ZC3H12C: variants seen among roughly 807,000 people sequenced by gnomAD.
ZC3H12C encodes the protein probable ribonuclease ZC3H12C.
A neutral mutation model predicts 76.3 loss-of-function variants in ZC3H12C; 20 were observed. The ratio of observed to expected loss-of-function variants is 0.26; its 90% CI spans 0.18 to 0.38. The LOEUF (loss-of-function observed/expected upper bound fraction) is 0.38, where lower values mean the gene tolerates loss of function less well. Ranked by LOEUF, ZC3H12C falls within the 10% of genes least tolerant of loss-of-function variation. The probability of loss-of-function intolerance (pLI) is 1.00; values close to 1 mark genes in which losing one functional copy is unlikely to be tolerated. For synonymous variants in ZC3H12C, 352 were observed against 399.6 expected (o/e 0.88, Z 1.42); for missense variants, 874 against 1,086.5 (o/e 0.80, Z 2.75).
chr11:110,164,434 T>C lies in ZC3H12C; in HGVS notation c.1349T>C (p.Met450Thr), dbSNP rs780657600. The change falls in exon 6 of 6, where the codon ATG becomes ACG. Residue 450 changes from methionine to threonine, a missense_variant. By Grantham distance (81) the Met-to-Thr change is moderately conservative (BLOSUM62 -1). Around this residue, in one of 3 missense-constraint regions of ZC3H12C, gnomAD observed 269 missense variants for 424.9 expected, o/e 0.63. Coordinates refer to ENST00000278590, the MANE Select transcript of ZC3H12C (RefSeq NM_033390.2). This position sits in a 1 kb window ranked among gnomAD's most constrained non-coding sequence, Gnocchi z 5.7. ...TCAGTGGCTGATGAACTCCGTGCCA[T>C]GTCTAGAAATACGGCAGCCAAAACT... is the stretch of plus-strand genomic sequence containing the variant. ...QRSVADELRA[M>T]SRNTAAKTAN... 10 of 1,613,974 alleles carry C rather than the reference T, an allele frequency of 6.2e-6. No individual in the cohort carries two copies. The South Asian group carries it at 8.8e-5, about 14-fold the overall frequency.
intron 1 of ZC3H12C, among the ~76,000 whole-genome samples, chr11:110,110,804 A>C (rs144417376): frequency 2.6e-5 from 4 of 152,330 alleles, no homozygotes; most frequent in African/African-American, 9.6e-5. Context: ...AGAAGCAGCT[A>C]ATCTTTGAAG....
At chr11:110,126,256 C>T (rs1861745729) in intron 1 of ZC3H12C, among the ~76,000 whole-genome samples, 1 of 70,792 alleles carries the variant, frequency 1.4e-5, no homozygotes, top group South Asian at 4.5e-4. Context: ...TGAGGTCTCA[C>T]TCTGTTGCCC....
chr11:110,164,455 A>G lies in ZC3H12C; in HGVS notation c.1370A>G (p.Lys457Arg). The G allele has an allele frequency of 6.2e-7, 1 of 1,614,040 alleles. No homozygotes were observed. The highest frequency in any genetic ancestry group is 8.5e-7 in the Non-Finnish European group (1 of 1,179,910). ...GCCATGTCTAGAAATACGGCAGCCA[A>G]AACTGCAAACGAAGGAGGACTGGTG... The part of the protein sequence containing the change: ...LRAMSRNTAA[K>R]TANEGGLVKS... Residue 457 changes from lysine to arginine, a missense_variant, in exon 6 of 6, where the codon AAA (lysine) becomes AGA (arginine). Lys to Arg is a conservative substitution (Grantham distance 26, BLOSUM62 2). Coordinates refer to ENST00000278590, the MANE Select transcript of ZC3H12C (RefSeq NM_033390.2). The surrounding 1 kb of genome is among the most constrained non-coding windows in gnomAD (Gnocchi z 5.7).
At position 110,131,290 on chromosome 11, in the gene ZC3H12C, TTCTAG is replaced by T. The variant is rs140209432; in HGVS notation, c.22-5367_22-5363del. 1,026 of 602,670 alleles carry T rather than the reference TTCTAG, an allele frequency of 1.7e-3. 12 individuals are homozygous for T. In the African/African-American group the frequency reaches 0.018, roughly 10 times the overall value. 37.3% of individuals were successfully genotyped at this position (602,670 alleles called of 1,614,324 possible). A position where few individuals can be genotyped will look rare whatever the true frequency, so the allele number is the denominator to read the frequency against. ...GTCTGCGAAGCAGATTTTTACACTT[TTCTAG>T]TCTAGAGTTATATAAATAATTACTT... On this transcript the variant is annotated intron_variant, in intron 1 of 5. Coordinates refer to ENST00000278590, the MANE Select transcript of ZC3H12C (RefSeq NM_033390.2).
chr11:110,133,716 A>AT (rs1861906013), intron 1 of ZC3H12C, among the ~76,000 whole-genome samples: 1 of 152,060 alleles, frequency 6.6e-6, no homozygotes, highest in Non-Finnish European at 1.5e-5. Context: ...TGAAAATCCT[A>AT]TTTTCCGCCT....
intron 1 of ZC3H12C, 132 bp downstream of exon 1, chr11:110,093,564 C>A: frequency 3.4e-6 from 2 of 593,544 alleles, no homozygotes; most frequent in South Asian, 7.7e-5. Flanking sequence ...GCGACCTCGC[C>A]GTGTGATCTC....
At chr11:110,143,692 T>C (rs1422918757) in intron 2 of ZC3H12C, among the ~76,000 whole-genome samples, 1 of 152,192 alleles carries the variant, frequency 6.6e-6, no homozygotes, top group African/African-American at 2.4e-5. Context: ...TATATGTGTA[T>C]GTGTATATAT....
intron 3 of ZC3H12C, 136 bp from the exon 4 acceptor site, chr11:110,159,120 C>G: frequency 3.0e-6 from 2 of 662,850 alleles, no homozygotes; most frequent in Non-Finnish European, 5.1e-6. Context: ...GCTGTATCTA[C>G]AAATTAAATC....
At chr11:110,152,581 C>G (rs1862292653) in intron 2 of ZC3H12C, among the ~76,000 whole-genome samples, 1 of 151,586 alleles carries the variant, frequency 6.6e-6, no homozygotes. Flanking sequence ...TGAAATTCTT[C>G]TTGCTGTGGT....
At chr11:110,110,065 A>C (rs538044418) in intron 1 of ZC3H12C, among the ~76,000 whole-genome samples, 97 of 152,308 alleles carry the variant, frequency 6.4e-4, no homozygotes, top group African/African-American at 2.0e-3. Context: ...TATTACGTGA[A>C]TACCTGAGAT....
chr11:110,155,373 T>C (rs606637), intron 3 of ZC3H12C, among the ~76,000 whole-genome samples: 104,286 of 151,476 alleles, frequency 0.69, 36,706 homozygotes, highest in South Asian at 0.79. Context: ...CATAGGCTGC[T>C]GTGGAAATTG....
chr11:110,148,835 T>C (rs555424330), intron 2 of ZC3H12C, among the ~76,000 whole-genome samples: 4 of 152,230 alleles, frequency 2.6e-5, no homozygotes, highest in Non-Finnish European at 4.4e-5. Flanking sequence ...TTTTAGTAAA[T>C]AGTCAACAGA....
At chr11:110,123,277 C>A (rs570706814) in intron 1 of ZC3H12C, among the ~76,000 whole-genome samples, 1 of 152,254 alleles carries the variant, frequency 6.6e-6, no homozygotes, top group Admixed American at 6.5e-5. Flanking sequence ...TTCTAAAATT[C>A]CTCATTCCGT....
At chr11:110,115,901 C>G (rs1011227753) in intron 1 of ZC3H12C, among the ~76,000 whole-genome samples, 42 of 152,126 alleles carry the variant, frequency 2.8e-4, no homozygotes, top group African/African-American at 1.0e-3. Context: ...GCTAGGATTA[C>G]AGCATCTGCC....
chr11:110,129,242 T>C (rs1861815479), intron 1 of ZC3H12C, among the ~76,000 whole-genome samples: 1 of 152,218 alleles, frequency 6.6e-6, no homozygotes, highest in African/African-American at 2.4e-5. Context: ...ATATTGGAAC[T>C]CTCTTGAGGA....
In ZC3H12C at chr11:110,117,776, TAC is replaced by T. The variant is rs1305128758; in HGVS notation, c.22-18877_22-18876del. ...TTATATATACACACACACATATATA[TAC>T]ACACACACATATATATATTATATAT... On this transcript the variant is annotated intron_variant, in intron 1 of 5. Transcript: ENST00000278590. Among the ~76,000 whole-genome samples, 327 of 134,960 alleles carry T rather than the reference TAC, an allele frequency of 2.4e-3. 9 individuals carry two copies. The highest frequency in any genetic ancestry group is 5.4e-3 in the African/African-American group (193 of 35,506). 88.5% of individuals were successfully genotyped at this position (134,960 alleles called of 152,430 possible). A position where few individuals can be genotyped will look rare whatever the true frequency, so the allele number is the denominator to read the frequency against.
chr11:110,114,755 T>C (rs771198737), intron 1 of ZC3H12C, among the ~76,000 whole-genome samples: 4 of 152,226 alleles, frequency 2.6e-5, no homozygotes, highest in Non-Finnish European at 5.9e-5. Flanking sequence ...TTAAGTTATA[T>C]GTCTAAATTA....
chr11:110,119,670 A>T (rs1314507841), intron 1 of ZC3H12C, among the ~76,000 whole-genome samples: 1 of 152,134 alleles, frequency 6.6e-6, no homozygotes, highest in African/African-American at 2.4e-5. Context: ...ATAGAAATGT[A>T]TTGCTCACAG....
chr11:110,144,699 T>C (rs1033665803), intron 2 of ZC3H12C, among the ~76,000 whole-genome samples: 2 of 152,214 alleles, frequency 1.3e-5, no homozygotes, highest in African/African-American at 4.8e-5. Flanking sequence ...ACAAGCATTA[T>C]ATAATATGCA....
Sources: gnomAD v4.1 joint callset for allele counts (sites outside exome capture counted in the v4.1 genomes callset) on GRCh38, gnomAD v4.1.1 for gene constraint, gnomAD v4.1.1 regional missense constraint, Gnocchi (gnomAD v3.1) non-coding constraint, MANE v1.5 for transcripts, NCBI Gene and HGNC (gene_info 2026-07-23, HGNC 2026-07-21) for gene names.